The following CCSER1 variants were observed in gnomAD, a reference collection of about 807,000 sequenced individuals.
The protein encoded by CCSER1 is serine-rich coiled-coil domain-containing protein 1.
A neutral mutation model predicts 82.0 loss-of-function variants in CCSER1; 41 were observed. That is an observed-to-expected ratio of 0.50 (90% CI 0.39 to 0.65). The LOEUF (loss-of-function observed/expected upper bound fraction) is 0.65, where lower values mean the gene tolerates loss of function less well. CCSER1 is among the 30% of genes least tolerant of loss of function. CCSER1 has a pLI of 0.00. For missense variants in CCSER1, 1,119 were observed against 1,064.2 expected, an observed-to-expected ratio of 1.05 and a Z score of -0.72; for synonymous variants, 414 against 383.9, an observed-to-expected ratio of 1.08 and a Z score of -0.92.
chr4:91,327,604 T>C (rs937050897), intron 10 of CCSER1, among the ~76,000 whole-genome samples: 3 of 152,228 alleles, frequency 2.0e-5, no homozygotes, highest in Admixed American at 2.0e-4. Flanking sequence ...GACTCCTCTT[T>C]TCTTATGCAA....
chr4:91,139,406 C>G (rs28571183), intron 10 of CCSER1, among the ~76,000 whole-genome samples: 110,914 of 152,058 alleles, frequency 0.73, 40,724 homozygotes, highest in Non-Finnish European at 0.78. Context: ...TTTGAGGACT[C>G]ATTTTTCTCA....
At chr4:90,753,534 T>C (rs1749043508) in intron 7 of CCSER1, among the ~76,000 whole-genome samples, 1 of 152,092 alleles carries the variant, frequency 6.6e-6, no homozygotes, top group Non-Finnish European at 1.5e-5. Context: ...GAGCTCTGTG[T>C]TGAGAATATA....
chr4:90,220,690 A>G (rs1463990782), intron 1 of CCSER1, among the ~76,000 whole-genome samples: 1 of 152,190 alleles, frequency 6.6e-6, no homozygotes. Context: ...GACATTGATG[A>G]ATCGCTTTAA....
chr4:90,608,888 G>T (rs1360772667), intron 5 of CCSER1, among the ~76,000 whole-genome samples: 1 of 151,892 alleles, frequency 6.6e-6, no homozygotes. Context: ...TTATAATAAA[G>T]AAAATACCTT....
At chr4:90,386,980 A>G (rs542237439) in intron 3 of CCSER1, among the ~76,000 whole-genome samples, 22 of 152,158 alleles carry the variant, frequency 1.4e-4, no homozygotes, top group Admixed American at 3.3e-4. Context: ...CTAGGTTAGG[A>G]AACTTTTCTT....
At chr4:90,981,009 G>A (rs184935745) in intron 9 of CCSER1, among the ~76,000 whole-genome samples, 1 of 151,842 alleles carries the variant, frequency 6.6e-6, no homozygotes, top group East Asian at 2.0e-4. Context: ...TTGCCAGGAG[G>A]GCTCTACAGG....
rs78409410 is a variant in CCSER1 at position 90,521,534 on chromosome 4, A to G, written c.1724+53180A>G. On this transcript the variant is annotated intron_variant, in intron 5 of 10. Transcript: ENST00000509176. ...TAAGTCCTCTGAAATATAACTGTCCACTGGAGAGCGCAATGTATGAATGGC... is the reference window on the plus strand; with the variant it reads ...TAAGTCCTCTGAAATATAACTGTCCGCTGGAGAGCGCAATGTATGAATGGC... 7.1e-3 allele frequency among the ~76,000 whole-genome samples: 1,081 copies of G among 152,278 alleles called. 6 individuals are homozygous for G. Among genetic ancestry groups the G allele is most frequent in the African/African-American group, 0.018 (745 of 41,584 alleles).
chr4:90,767,564 C>T (rs1166986854), intron 7 of CCSER1, among the ~76,000 whole-genome samples: 1 of 152,108 alleles, frequency 6.6e-6, no homozygotes, highest in Non-Finnish European at 1.5e-5. Flanking sequence ...TTAACTGGAT[C>T]TAAGAAAATA....
intron 10 of CCSER1, among the ~76,000 whole-genome samples, chr4:91,165,116 G>T (rs957250998): frequency 6.6e-6 from 1 of 152,078 alleles, no homozygotes; most frequent in African/African-American, 2.4e-5. Context: ...ATGTGGTTTT[G>T]GTTCGGATGT....
At chr4:90,733,348 A>G (rs1171975415) in intron 7 of CCSER1, among the ~76,000 whole-genome samples, 2 of 151,972 alleles carry the variant, frequency 1.3e-5, no homozygotes, top group East Asian at 3.9e-4. Context: ...ATAAATGTCT[A>G]TTCAGATGTT....
At chr4:90,958,176 CCTT>C (rs750690654) in intron 9 of CCSER1, among the ~76,000 whole-genome samples, 1 of 152,010 alleles carries the variant, frequency 6.6e-6, no homozygotes, top group African/African-American at 2.4e-5. Flanking sequence ...TAGAAATAAT[CCTT>C]CTTTTTTTCA....
intron 5 of CCSER1, among the ~76,000 whole-genome samples, chr4:90,515,541 T>A (rs1430504186): frequency 6.6e-6 from 1 of 152,222 alleles, no homozygotes; most frequent in East Asian, 1.9e-4. Flanking sequence ...GAAATCTTCT[T>A]AAATTTAGTT....
chr4:91,228,037 A>G (rs1263523604), intron 10 of CCSER1, among the ~76,000 whole-genome samples: 1 of 151,992 alleles, frequency 6.6e-6, no homozygotes, highest in Non-Finnish European at 1.5e-5. Flanking sequence ...ATTTTATTTC[A>G]TTGCTTTAAC....
chr4:90,591,300 G>T (rs1782662735), intron 5 of CCSER1, among the ~76,000 whole-genome samples: 1 of 152,066 alleles, frequency 6.6e-6, no homozygotes, highest in African/African-American at 2.4e-5. Context: ...GATTGCCTTG[G>T]CCAGAACTTC....
chr4:90,874,579 C>T (rs1388275829), intron 8 of CCSER1, among the ~76,000 whole-genome samples: 3 of 152,088 alleles, frequency 2.0e-5, no homozygotes, highest in Non-Finnish European at 4.4e-5. Flanking sequence ...ACGTAACATT[C>T]CTAAGTATCT....
intron 3 of CCSER1, among the ~76,000 whole-genome samples, chr4:90,368,328 A>C (rs1392459466): frequency 6.6e-6 from 1 of 151,910 alleles, no homozygotes; most frequent in Admixed American, 6.6e-5. Context: ...TGAATGAATA[A>C]GTTTTTGCTT....
chr4:90,883,125 C>G lies in CCSER1; in HGVS notation c.2095-40245C>G, dbSNP rs576531069. 1.7e-4 allele frequency among the ~76,000 whole-genome samples: 26 copies of G among 151,982 alleles called. No homozygotes were observed. The South Asian group carries it at 2.9e-3, about 17-fold the overall frequency. ...CAATTTAAACCCCTCCAGTATGACT[C>G]CTGAACTCATAGTCATAGCACCATA... On this transcript the variant is annotated intron_variant, in intron 8 of 10. Coordinates refer to ENST00000509176, the MANE Select transcript of CCSER1 (RefSeq NM_001145065.2).
At chr4:90,225,947 G>A (rs1212420069) in intron 1 of CCSER1, among the ~76,000 whole-genome samples, 2 of 152,170 alleles carry the variant, frequency 1.3e-5, no homozygotes, top group Admixed American at 1.3e-4. Flanking sequence ...TGTGGTATAA[G>A]TAATACTATA....
At chr4:90,871,457 ATGGGCTTGTGTAGTTTTCAGAGATCCTCT>A (rs1484417470) in intron 8 of CCSER1, among the ~76,000 whole-genome samples, 1 of 151,840 alleles carries the variant, frequency 6.6e-6, no homozygotes, top group Admixed American at 6.6e-5. Flanking sequence ...TTTAATTTCC[ATGGGCTTGTGTAGTTTTCAGAGATCCTCT>A]TGTTATTGAT....
Sources: gnomAD v4.1 joint callset for allele counts (sites outside exome capture counted in the v4.1 genomes callset) on GRCh38, gnomAD v4.1.1 for gene constraint, MANE v1.5 for transcripts, NCBI Gene and HGNC (gene_info 2026-07-23, HGNC 2026-07-21) for gene names.